Variants in TP53BP2 observed in about 807,000 individuals in gnomAD.
TP53BP2 encodes the protein tumor protein p53 binding protein 2.
Under a neutral mutation model 126.2 loss-of-function variants are expected in TP53BP2, and 62 were observed. The ratio of observed to expected loss-of-function variants is 0.49; its 90% CI spans 0.40 to 0.61. The LOEUF (loss-of-function observed/expected upper bound fraction) is 0.61, where lower values mean the gene tolerates loss of function less well. TP53BP2 is among the 20% of genes least tolerant of loss of function. The probability of loss-of-function intolerance (pLI) is 0.00; values close to 1 mark genes in which losing one functional copy is unlikely to be tolerated. For missense variants in TP53BP2, 1,215 were observed against 1,402.8 expected, an observed-to-expected ratio of 0.87 and a Z score of 2.14; for synonymous variants, 485 against 502.9, an observed-to-expected ratio of 0.96 and a Z score of 0.48.
chr1:223,801,227 G>A (rs1662515251), intron 9 of TP53BP2, among the ~76,000 whole-genome samples: 1 of 152,172 alleles, frequency 6.6e-6, no homozygotes, highest in Non-Finnish European at 1.5e-5. Flanking sequence ...TCACAAATCA[G>A]TATATTCAGG....
At chr1:223,839,621 A>C (rs1302660942) in intron 1 of TP53BP2, among the ~76,000 whole-genome samples, 2 of 152,232 alleles carry the variant, frequency 1.3e-5, no homozygotes, top group East Asian at 3.8e-4. Context: ...ATTAAGTTAT[A>C]AATCTGTATC....
chr1:223,819,850 G>C (rs1320454488), intron 2 of TP53BP2, among the ~76,000 whole-genome samples: 8 of 152,158 alleles, frequency 5.3e-5, no homozygotes, highest in Admixed American at 5.2e-4. Flanking sequence ...CTAGGTACAA[G>C]GCACTCCCCT....
intron 1 of TP53BP2, among the ~76,000 whole-genome samples, chr1:223,833,331 C>G (rs909602761): frequency 6.6e-6 from 1 of 152,028 alleles, no homozygotes; most frequent in Admixed American, 6.5e-5. Context: ...ATTTTTTTTA[C>G]TTCATAAACT....
At chr1:223,782,799 T>A (rs142841866) in intron 17 of TP53BP2, among the ~76,000 whole-genome samples, 1 of 152,310 alleles carries the variant, frequency 6.6e-6, no homozygotes, top group East Asian at 1.9e-4. Context: ...GTATTTGTTT[T>A]TCACTTTCAG....
chr1:223,822,714 T>TA lies in TP53BP2; in HGVS notation c.28-1348dup, dbSNP rs1175250672. Among the ~76,000 whole-genome samples the TA allele has an allele frequency of 1.5e-4, 23 of 149,994 alleles. 1 individual carries two copies. Among genetic ancestry groups the TA allele is most frequent in the African/African-American group, 5.4e-4 (22 of 40,886 alleles). On this transcript the variant is annotated intron_variant, in intron 1 of 17. Coordinates refer to ENST00000343537, the MANE Select transcript of TP53BP2 (RefSeq NM_001031685.3). ...ACAATCTTGACAATCTTTCTCCTAG[T>TA]AAAAAAAGACACTGTATCTTAGAAA...
intron 12 of TP53BP2, among the ~76,000 whole-genome samples, chr1:223,797,811 C>T (rs1429270986): frequency 2.0e-5 from 3 of 151,700 alleles, no homozygotes; most frequent in Non-Finnish European, 4.4e-5. Context: ...TCTATATATA[C>T]ATGTCTACGT....
chr1:223,790,813 C>T (rs1292034938), intron 15 of TP53BP2, among the ~76,000 whole-genome samples: 1 of 151,880 alleles, frequency 6.6e-6, no homozygotes, highest in Non-Finnish European at 1.5e-5. Context: ...TCTCTGTTGC[C>T]CAGGCTGATC....
intron 5 of TP53BP2, among the ~76,000 whole-genome samples, chr1:223,806,610 G>A (rs1372282117): frequency 6.6e-6 from 1 of 152,136 alleles, no homozygotes; most frequent in Non-Finnish European, 1.5e-5. Flanking sequence ...GATCACCTGA[G>A]GTCAGGAGTT....
At chr1:223,817,948 A>C (rs1012539265) in intron 2 of TP53BP2, among the ~76,000 whole-genome samples, 9 of 151,932 alleles carry the variant, frequency 5.9e-5, no homozygotes, top group African/African-American at 1.7e-4. Context: ...AAAAAGATAC[A>C]GATTTACACA....
intron 13 of TP53BP2, 89 bp downstream of exon 13, chr1:223,795,726 G>A (rs1306715324): frequency 5.6e-6 from 7 of 1,260,472 alleles, no homozygotes; most frequent in Non-Finnish European, 7.4e-6. Context: ...AAATAAAAAT[G>A]CAAACTGGAG....
intron 1 of TP53BP2, among the ~76,000 whole-genome samples, chr1:223,836,246 G>A (rs1344477126): frequency 1.3e-5 from 2 of 152,218 alleles, no homozygotes; most frequent in Non-Finnish European, 2.9e-5. Context: ...GCACGTCATG[G>A]AGGGCAATAT....
intron 11 of TP53BP2, among the ~76,000 whole-genome samples, chr1:223,799,154 AG>A (rs1262596324): frequency 1.2e-4 from 19 of 152,148 alleles, no homozygotes; most frequent in African/African-American, 4.1e-4. Flanking sequence ...ATTTTTATAT[AG>A]ACAGGGTCTC....
rs757594327 is a variant in TP53BP2, at chr1:223,784,133, A to G, written c.3345T>C (p.Val1115=). ...WARLNDKEGY[V]PRNLLGLYPR... Reference sequence around the variant, plus strand: ...AACTTACTCCCAGCAAGTTACGTGGAACATATCCCTCCTTATCATTAAGGC... The same window carrying G: ...AACTTACTCCCAGCAAGTTACGTGGGACATATCCCTCCTTATCATTAAGGC... The change falls in exon 17 of 18, where the codon GTT becomes GTC. Residue 1115 remains valine, a synonymous_variant. Coordinates refer to ENST00000343537, the MANE Select transcript of TP53BP2 (RefSeq NM_001031685.3). 6 of 1,614,176 alleles carry G rather than the reference A, an allele frequency of 3.7e-6. No homozygotes were observed. Among genetic ancestry groups the G allele is most frequent in the Non-Finnish European group, 5.1e-6 (6 of 1,180,008 alleles).
At chr1:223,806,479 A>G (rs780412510) in intron 5 of TP53BP2, among the ~76,000 whole-genome samples, 18 of 152,202 alleles carry the variant, frequency 1.2e-4, no homozygotes, top group Non-Finnish European at 2.1e-4. Context: ...GGTAGAATGT[A>G]AATAGCCTTA....
At chr1:223,798,775 A>G in intron 11 of TP53BP2, 98 bp from the exon 12 acceptor site, 1 of 1,083,580 alleles carries the variant, frequency 9.2e-7, no homozygotes, top group Non-Finnish European at 1.3e-6. Flanking sequence ...TATACACTAT[A>G]AAAATATTAG....
chr1:223,782,703 T>C (rs1000546852), intron 17 of TP53BP2, among the ~76,000 whole-genome samples: 1 of 152,132 alleles, frequency 6.6e-6, no homozygotes, highest in Non-Finnish European at 1.5e-5. Flanking sequence ...TCCTCCTGCC[T>C]CGGCCTCCCA....
At chr1:223,784,428 A>G in intron 16 of TP53BP2, 114 bp from the exon 17 acceptor site, 1 of 897,218 alleles carries the variant, frequency 1.1e-6, no homozygotes, top group East Asian at 2.6e-5. Context: ...CTGGAATGTT[A>G]GTACTACATT....
At chr1:223,838,669 G>C (rs749102317) in intron 1 of TP53BP2, among the ~76,000 whole-genome samples, 17 of 152,090 alleles carry the variant, frequency 1.1e-4, no homozygotes, top group Non-Finnish European at 7.3e-5. Context: ...AGTAATTGTG[G>C]TTTTGCCATC....
intron 15 of TP53BP2, among the ~76,000 whole-genome samples, chr1:223,790,692 C>T (rs1662127697): frequency 6.6e-6 from 1 of 150,882 alleles, no homozygotes; most frequent in South Asian, 2.1e-4. Context: ...GCAGTCTTGA[C>T]CTCCAGGCTC....
Sources: allele counts gnomAD v4.1 joint callset (sites outside exome capture counted in the v4.1 genomes callset), GRCh38; gene constraint gnomAD v4.1.1; transcripts MANE v1.5; gene names NCBI Gene and HGNC (gene_info 2026-07-23, HGNC 2026-07-21).